The following BMPR1B variants were observed in gnomAD, a reference collection of about 807,000 sequenced individuals.
BMPR1B encodes the protein bone morphogenetic protein receptor type-1B.
A neutral mutation model predicts 59.1 loss-of-function variants in BMPR1B; 12 were observed. The observed-to-expected ratio is 0.20, with a 90% CI of 0.13 to 0.33. BMPR1B has a LOEUF of 0.33. BMPR1B is among the 10% of genes least tolerant of loss of function. The pLI is 1.00. For synonymous variants in BMPR1B, 237 were observed against 207.3 expected, an observed-to-expected ratio of 1.14 and a Z score of -1.23; for missense variants, 550 against 610.9, an observed-to-expected ratio of 0.90 and a Z score of 1.05.
At chr4:94,967,452 T>TCCTCC (rs929516601) in intron 2 of BMPR1B, among the ~76,000 whole-genome samples, 3 of 151,820 alleles carry the variant, frequency 2.0e-5, no homozygotes, top group African/African-American at 4.8e-5. Flanking sequence ...TCCTCTCCTC[T>TCCTCC]CCTCCCCTCC....
chr4:94,865,569 T>A (rs1726189962), intron 1 of BMPR1B, among the ~76,000 whole-genome samples: 1 of 151,990 alleles, frequency 6.6e-6, no homozygotes, highest in East Asian at 1.9e-4. Flanking sequence ...TTTTTTTAAT[T>A]TTTAGTAGAG....
At chr4:95,048,746 A>G (rs1232437400) in intron 3 of BMPR1B, among the ~76,000 whole-genome samples, 4 of 152,186 alleles carry the variant, frequency 2.6e-5, no homozygotes, top group Non-Finnish European at 4.4e-5. Flanking sequence ...TAAACTGTAG[A>G]TAAAAATATG....
intron 3 of BMPR1B, among the ~76,000 whole-genome samples, chr4:95,070,507 A>C (rs1728199455): frequency 6.6e-6 from 1 of 152,196 alleles, no homozygotes; most frequent in Non-Finnish European, 1.5e-5. Context: ...GAGTAACTTC[A>C]GAGTTTGTTG....
chr4:94,758,488 G>GGGCGAGCTGAA, intron 1 of BMPR1B, among the ~76,000 whole-genome samples: 1 of 152,132 alleles, frequency 6.6e-6, no homozygotes, highest in Non-Finnish European at 1.5e-5. Flanking sequence ...GGCGAGCTGA[G>GGGCGAGCTGAA]GGCAGTCGCG....
intron 2 of BMPR1B, among the ~76,000 whole-genome samples, chr4:94,962,053 CTTTCT>C (rs1489198717): frequency 1.7e-3 from 245 of 146,930 alleles, no homozygotes; most frequent in African/African-American, 3.9e-3. Context: ...TTCTTTCTTT[CTTTCT>C]TTTCTTTCTT....
chr4:94,804,431 A>C, intron 1 of BMPR1B, among the ~76,000 whole-genome samples: 1 of 152,328 alleles, frequency 6.6e-6, no homozygotes, highest in African/African-American at 2.4e-5. Context: ...CTTGTAAAAA[A>C]ATTGTTAAAT....
At chr4:95,085,593 A>G (rs1392129228) in intron 3 of BMPR1B, among the ~76,000 whole-genome samples, 1 of 152,180 alleles carries the variant, frequency 6.6e-6, no homozygotes, top group Non-Finnish European at 1.5e-5. Flanking sequence ...TTCTCCATGC[A>G]TTGTGGAATG....
chr4:95,133,041 G>C (rs545986242), intron 10 of BMPR1B, among the ~76,000 whole-genome samples: 6 of 151,886 alleles, frequency 4.0e-5, no homozygotes, highest in Non-Finnish European at 5.9e-5. Context: ...TTCCTTCCTA[G>C]TTCCCAGTTT....
At chr4:95,081,297 GGACTACTACA>G (rs766061098) in intron 3 of BMPR1B, among the ~76,000 whole-genome samples, 112 of 152,114 alleles carry the variant, frequency 7.4e-4, no homozygotes, top group Non-Finnish European at 1.3e-3. Context: ...GCGTGAGAAC[GGACTACTACA>G]GGTGTCTTGA....
At chr4:94,893,597 G>T (rs1727479609) in intron 2 of BMPR1B, among the ~76,000 whole-genome samples, 2 of 151,674 alleles carry the variant, frequency 1.3e-5, no homozygotes, top group African/African-American at 4.8e-5. Context: ...ATTTAAATTG[G>T]CTTTCTCTAA....
intron 10 of BMPR1B, 115 bp downstream of exon 10, chr4:95,131,627 T>A (rs886577857): frequency 1.6e-6 from 2 of 1,252,488 alleles, no homozygotes; most frequent in Non-Finnish European, 2.3e-6. Context: ...AATTTTGACA[T>A]TTGACGGGGA....
Position 95,104,490 on chromosome 4 carries a change from C to T in BMPR1B, c.66C>T (p.Ala22=), listed in dbSNP as rs766827991. ...GTKKEDGEST[A]PTPRPKVLRC... ...AGAAAGAGGATGGTGAGAGTACAGC[C>T]CCCACCCCCCGTCCAAAGGTCTTGC... Residue 22 remains alanine (A), a synonymous_variant, in exon 4 of 13, where the codon GCC becomes GCT. Transcript: ENST00000515059. 6 of 1,613,302 alleles carry T rather than the reference C, an allele frequency of 3.7e-6. No homozygotes were observed. The highest frequency in any genetic ancestry group is 2.2e-5 in the South Asian group (2 of 91,050).
intron 3 of BMPR1B, among the ~76,000 whole-genome samples, chr4:95,012,910 G>A (rs148248870): frequency 7.9e-5 from 12 of 152,096 alleles, no homozygotes; most frequent in Admixed American, 2.0e-4. Flanking sequence ...AGTAATTCTC[G>A]CTCTCATAGA....
At chr4:95,058,705 G>T (rs1727114827) in intron 3 of BMPR1B, among the ~76,000 whole-genome samples, 1 of 152,176 alleles carries the variant, frequency 6.6e-6, no homozygotes, top group Admixed American at 6.5e-5. Context: ...TACATTTATA[G>T]AAATATTCAT....
chr4:94,774,473 A>G (rs6837341), intron 1 of BMPR1B, among the ~76,000 whole-genome samples: 47,675 of 151,838 alleles, frequency 0.31, 8,205 homozygotes, highest in African/African-American at 0.46. Flanking sequence ...GGTAAGGCAA[A>G]TCCCCTTTAT....
At chr4:94,985,532 T>C (rs1721348806) in intron 2 of BMPR1B, among the ~76,000 whole-genome samples, 1 of 147,738 alleles carries the variant, frequency 6.8e-6, no homozygotes, top group Admixed American at 6.7e-5. Flanking sequence ...TGTGTGTGTG[T>C]GTGTGTGTGT....
chr4:95,135,051 A>T (rs1378670511), intron 10 of BMPR1B, among the ~76,000 whole-genome samples: 1 of 152,202 alleles, frequency 6.6e-6, no homozygotes, highest in Non-Finnish European at 1.5e-5. Context: ...AGGTGTAAGG[A>T]AGAGATCCAG....
intron 1 of BMPR1B, among the ~76,000 whole-genome samples, chr4:94,787,096 G>A (rs1722791166): frequency 6.6e-6 from 1 of 152,152 alleles, no homozygotes; most frequent in Admixed American, 6.5e-5. Context: ...TCAATACCAA[G>A]CCCTTGATAT....
At chr4:95,126,668 A>G (rs1732927938) in intron 8 of BMPR1B, among the ~76,000 whole-genome samples, 2 of 152,212 alleles carry the variant, frequency 1.3e-5, no homozygotes, top group South Asian at 4.1e-4. Context: ...AAATAAAACA[A>G]GAAAGTGCAT....
Sources: gnomAD v4.1 joint callset for allele counts (sites outside exome capture counted in the v4.1 genomes callset) on GRCh38, gnomAD v4.1.1 for gene constraint, MANE v1.5 for transcripts, NCBI Gene and HGNC (gene_info 2026-07-23, HGNC 2026-07-21) for gene names.